QPRT: variants seen among roughly 807,000 people sequenced by gnomAD.
The protein encoded by QPRT is nicotinate-nucleotide pyrophosphorylase [carboxylating].
QPRT carries 17 observed loss-of-function variants against 19.8 expected under a neutral mutation model. The observed-to-expected ratio is 0.86, with a 90% CI of 0.59 to 1.29. QPRT has a LOEUF of 1.29. Ranked by LOEUF, QPRT falls within the 50% of genes most tolerant of loss-of-function variation. The pLI is 0.00. For missense variants in QPRT, 336 were observed against 405.1 expected, an observed-to-expected ratio of 0.83 and a Z score of 1.46; for synonymous variants, 178 against 191.0, an observed-to-expected ratio of 0.93 and a Z score of 0.56.
At chr16:29,692,140 A>ATAGATGGC (rs983093415) in intron 1 of QPRT, among the ~76,000 whole-genome samples, 9 of 152,186 alleles carry the variant, frequency 5.9e-5, no homozygotes, top group Non-Finnish European at 1.0e-4. Context: ...CTCCCTGCCG[A>ATAGATGGC]TAGATGGCGC....
intron 2 of QPRT, chr16:29,696,098 CTAATTT>C (rs1342267134): frequency 6.6e-6 from 1 of 152,162 alleles, no homozygotes; most frequent in African/African-American, 2.4e-5. Flanking sequence ...AACACCCCTT[CTAATTT>C]TAATATTCTG....
chr16:29,690,802 G>A (rs1967303933), intron 1 of QPRT, among the ~76,000 whole-genome samples: 1 of 152,090 alleles, frequency 6.6e-6, no homozygotes, highest in South Asian at 2.1e-4. Flanking sequence ...TGATTATCCT[G>A]CCTCAGCCTC....
At chr16:29,694,522 A>T in intron 1 of QPRT, 142 bp from the exon 2 acceptor site, 1 of 440,876 alleles carries the variant, frequency 2.3e-6, no homozygotes, top group Non-Finnish European at 3.0e-6. Flanking sequence ...CCCCTTCCTC[A>T]CCGCAGTCCC....
intron 2 of QPRT, chr16:29,696,532 C>A: frequency 6.5e-6 from 1 of 153,534 alleles, no homozygotes. Flanking sequence ...CCTGTAATCC[C>A]AGCACTTTGG....
chr16:29,679,104 C>G (rs772697645), upstream of QPRT: 1 of 1,608,266 alleles, frequency 6.2e-7, no homozygotes, highest in East Asian at 2.2e-5. Flanking sequence ...TTGATGGGCC[C>G]TCCCTCCCTC....
intron 2 of QPRT, 96 bp downstream of exon 2, chr16:29,695,295 A>C: frequency 7.4e-7 from 1 of 1,359,962 alleles, no homozygotes; most frequent in Admixed American, 2.8e-5. Context: ...CCGGGTGAAC[A>C]GCCATGGCCT....
At chr16:29,690,572 A>G (rs987443894) in intron 1 of QPRT, among the ~76,000 whole-genome samples, 2 of 151,860 alleles carry the variant, frequency 1.3e-5, no homozygotes, top group Admixed American at 6.6e-5. Flanking sequence ...CTCTGTGCCT[A>G]TAGTTTTGCC....
chr16:29,685,431 A>G (rs1242841371), intron 1 of QPRT, among the ~76,000 whole-genome samples: 1 of 152,094 alleles, frequency 6.6e-6, no homozygotes, highest in African/African-American at 2.4e-5. Flanking sequence ...AGATCACACC[A>G]TTGCACTCCA....
chr16:29,683,742 A>G (rs1967080857), intron 1 of QPRT, among the ~76,000 whole-genome samples: 1 of 152,104 alleles, frequency 6.6e-6, no homozygotes, highest in South Asian at 2.1e-4. Flanking sequence ...ATCCCTGGAA[A>G]CTACCCCCAG....
chr16:29,694,261 G>A (rs1044499373), intron 1 of QPRT, among the ~76,000 whole-genome samples: 2 of 152,006 alleles, frequency 1.3e-5, no homozygotes, highest in African/African-American at 4.8e-5. Context: ...TGGGACTACA[G>A]GCGCCCGCCA....
chr16:29,691,381 A>AG (rs1424538594), intron 1 of QPRT, among the ~76,000 whole-genome samples: 1 of 149,846 alleles, frequency 6.7e-6, no homozygotes, highest in African/African-American at 2.5e-5. Context: ...AAAAAAAAAA[A>AG]AAAAAAAAAA....
At chr16:29,696,215 C>T (rs1452657246) in intron 2 of QPRT, 1 of 152,208 alleles carries the variant, frequency 6.6e-6, no homozygotes, top group South Asian at 2.1e-4. Flanking sequence ...AACATCCTGG[C>T]TCAGTGGCTC....
intron 1 of QPRT, among the ~76,000 whole-genome samples, chr16:29,680,685 A>G (rs1167636456): frequency 1.3e-5 from 2 of 152,150 alleles, no homozygotes; most frequent in Non-Finnish European, 2.9e-5. Context: ...TCACGCCTGT[A>G]ATCCCAGCAC....
At chr16:29,692,203 C>T (rs1040265968) in intron 1 of QPRT, among the ~76,000 whole-genome samples, 3 of 152,210 alleles carry the variant, frequency 2.0e-5, no homozygotes, top group African/African-American at 7.2e-5. Context: ...GGGCCCATCA[C>T]GGGCTATGCC....
At chr16:29,686,864 G>C (rs977194596) in intron 1 of QPRT, among the ~76,000 whole-genome samples, 7 of 152,170 alleles carry the variant, frequency 4.6e-5, no homozygotes, top group African/African-American at 1.7e-4. Flanking sequence ...GGGATTAACA[G>C]ACATGAGCCT....
chr16:29,684,798 G>C (rs1450242160), intron 1 of QPRT, among the ~76,000 whole-genome samples: 1 of 152,184 alleles, frequency 6.6e-6, no homozygotes, highest in Non-Finnish European at 1.5e-5. Context: ...GTTTCACCAG[G>C]CCACGATTCA....
At position 29,697,397 on chromosome 16, in the gene QPRT, C is replaced by G; in HGVS notation, c.880C>G (p.Pro294Ala). The G allele has an allele frequency of 6.2e-7, 1 of 1,612,424 alleles. No homozygotes were observed. Among genetic ancestry groups the G allele is most frequent in the Non-Finnish European group, 8.5e-7 (1 of 1,179,784 alleles). The change falls in exon 4 of 4, where the codon CCC (proline) becomes GCC (alanine). Residue 294 changes from proline (P) to alanine (A), a missense_variant. By Grantham distance (27) the Pro-to-Ala change is conservative. Transcript: ENST00000395384. This position sits in a 1 kb window ranked among gnomAD's most constrained non-coding sequence, Gnocchi z 4.4. ...KLFAKEVAPV[P>A]KIH Reference sequence around the variant, plus strand: ...GTTTGCCAAAGAGGTGGCTCCAGTGCCCAAAATCCACTAGTCCTAAACCGG... The same window carrying G: ...GTTTGCCAAAGAGGTGGCTCCAGTGGCCAAAATCCACTAGTCCTAAACCGG...
Position 29,694,930 on chromosome 16 carries a change from G to C in QPRT, c.280G>C (p.Ala94Pro). 3 of 1,613,116 alleles carry C rather than the reference G, an allele frequency of 1.9e-6. No homozygotes were observed. The highest frequency in any genetic ancestry group is 2.5e-6 in the Non-Finnish European group (3 of 1,179,826). Residue 94 changes from alanine (A) to proline (P), a missense_variant, in exon 2 of 4, where the codon GCC (alanine) becomes CCC (proline). Physicochemically the swap from Ala to Pro is conservative, Grantham distance 27 (BLOSUM62 -1). Transcript: ENST00000395384. ...CAGAGTGGCCGAGGTCCGGGGCCCT[G>C]CCCACTGCCTGCTGCTGGGGGAACG... is the stretch of plus-strand genomic sequence containing the variant. ...VARVAEVRGPAHCLLLGERVA... is the reference protein window; with the variant it reads ...VARVAEVRGPPHCLLLGERVA...
intron 1 of QPRT, among the ~76,000 whole-genome samples, chr16:29,684,067 C>T (rs1234864572): frequency 6.6e-6 from 1 of 152,160 alleles, no homozygotes; most frequent in Non-Finnish European, 1.5e-5. Context: ...TTCCCAGGTA[C>T]CCACTCCTGA....
Sources: allele counts gnomAD v4.1 joint callset (sites outside exome capture counted in the v4.1 genomes callset), GRCh38; gene constraint gnomAD v4.1.1; non-coding constraint Gnocchi (gnomAD v3.1); transcripts MANE v1.5; gene names NCBI Gene and HGNC (gene_info 2026-07-23, HGNC 2026-07-21).